Variants in CHST11 observed in about 807,000 individuals in gnomAD.
CHST11 encodes the protein carbohydrate sulfotransferase 11.
In CHST11, 9 loss-of-function variants were observed where a neutral mutation model predicts 30.4. The ratio of observed to expected loss-of-function variants is 0.30; its 90% CI spans 0.18 to 0.52. The LOEUF is 0.52. Among genes scored for constraint, CHST11 ranks in the 20% least tolerant of loss-of-function variants. The pLI is 0.97. For missense variants in CHST11, 348 were observed against 460.6 expected, an observed-to-expected ratio of 0.76 and a Z score of 2.24; for synonymous variants, 152 against 187.8, an observed-to-expected ratio of 0.81 and a Z score of 1.56.
intron 2 of CHST11, among the ~76,000 whole-genome samples, chr12:104,702,503 G>A: frequency 6.6e-6 from 1 of 151,934 alleles, no homozygotes; most frequent in Non-Finnish European, 1.5e-5. Context: ...GCACCCAGCT[G>A]ATTCCTCACG....
chr12:104,633,716 C>G (rs1484864814), intron 2 of CHST11, among the ~76,000 whole-genome samples: 5 of 151,914 alleles, frequency 3.3e-5, no homozygotes, highest in Admixed American at 3.3e-4. Context: ...CGTGCCCAGC[C>G]TCTCCCTCTT....
At chr12:104,710,854 T>G (rs554532326) in intron 2 of CHST11, among the ~76,000 whole-genome samples, 2 of 152,330 alleles carry the variant, frequency 1.3e-5, no homozygotes, top group East Asian at 3.9e-4. Context: ...CAAACTTCTC[T>G]ACAGCTTCTT....
chr12:104,549,062 G>A (rs978757869), intron 1 of CHST11, among the ~76,000 whole-genome samples: 1 of 152,196 alleles, frequency 6.6e-6, no homozygotes, highest in African/African-American at 2.4e-5. Flanking sequence ...TGATAAATGA[G>A]GTGGGGAGAT....
intron 2 of CHST11, among the ~76,000 whole-genome samples, chr12:104,617,743 A>G (rs193269388): frequency 1.3e-5 from 2 of 152,310 alleles, no homozygotes; most frequent in Admixed American, 6.5e-5. Context: ...ATTTGGTGTC[A>G]GTTTTCTAAT....
At chr12:104,595,701 A>T (rs2136043049) in intron 1 of CHST11, among the ~76,000 whole-genome samples, 1 of 152,288 alleles carries the variant, frequency 6.6e-6, no homozygotes, top group East Asian at 1.9e-4. Context: ...GCCATGGACC[A>T]GGCTAGTTGA....
rs183218256 is a variant in CHST11, at chr12:104,585,795, C to T, written c.119-16111C>T. On this transcript the variant is annotated intron_variant, in intron 1 of 2. Transcript: ENST00000303694. ...AGGTGTCAGCAGGGCCGTGTTCCCT[C>T]TGAAGGCCCTAGGGAAGAATCCCTC... 6.5e-4 allele frequency among the ~76,000 whole-genome samples: 99 copies of T among 152,342 alleles called. 1 individual carries two copies. Among genetic ancestry groups the T allele is most frequent in the Admixed American group, 2.4e-3 (36 of 15,308 alleles).
intron 1 of CHST11, among the ~76,000 whole-genome samples, chr12:104,554,227 C>G (rs1258382878): frequency 2.0e-5 from 3 of 152,042 alleles, no homozygotes; most frequent in Admixed American, 2.0e-4. Context: ...CTGTGAATAC[C>G]AGGATTTGGG....
At chr12:104,608,941 A>G (rs1006404957) in intron 2 of CHST11, among the ~76,000 whole-genome samples, 1 of 152,218 alleles carries the variant, frequency 6.6e-6, no homozygotes, top group South Asian at 2.1e-4. Context: ...CCCTTGAGCC[A>G]CTTCTGTCTT....
chr12:104,757,258 A>G lies in CHST11; in HGVS notation c.514A>G (p.Ile172Val). 2 of 1,614,008 alleles carry G rather than the reference A, an allele frequency of 1.2e-6. No individual in the cohort carries two copies. The highest frequency in any genetic ancestry group is 8.5e-7 in the Non-Finnish European group (1 of 1,179,998). ...CCTGAACCAGTACAGCATCCCAGAAATCAACCACCGCTTGAAAAGCTACAT... is the reference window on the plus strand; with the variant it reads ...CCTGAACCAGTACAGCATCCCAGAAGTCAACCACCGCTTGAAAAGCTACAT... ...KTLNQYSIPEINHRLKSYMKF... is the reference protein window; with the variant it reads ...KTLNQYSIPEVNHRLKSYMKF... Residue 172 changes from isoleucine (I) to valine (V), a missense_variant, in exon 3 of 3, where the codon ATC becomes GTC. This residue lies in a region of CHST11 where 210 missense variants were observed against 287.2 expected (regional missense o/e 0.73). Transcript: ENST00000303694. The surrounding 1 kb of genome is among the most constrained non-coding windows in gnomAD (Gnocchi z 6.5).
chr12:104,696,466 G>T (rs151086302), intron 2 of CHST11, among the ~76,000 whole-genome samples: 1,801 of 99,918 alleles, frequency 0.018, 37 homozygotes, highest in African/African-American at 0.063. Context: ...GTGAAACCCC[G>T]ACTCTGCTAA....
intron 1 of CHST11, among the ~76,000 whole-genome samples, chr12:104,474,880 G>T (rs555165599): frequency 6.6e-6 from 1 of 152,222 alleles, no homozygotes; most frequent in African/African-American, 2.4e-5. Flanking sequence ...AAGCATGGGG[G>T]AAGGTCCTTG....
chr12:104,550,223 T>C (rs766238135), intron 1 of CHST11, among the ~76,000 whole-genome samples: 5 of 152,218 alleles, frequency 3.3e-5, no homozygotes, highest in Non-Finnish European at 7.3e-5. Context: ...CTTTGTTGTC[T>C]GATAGTGTTT....
chr12:104,752,398 T>G (rs1268433541), intron 2 of CHST11, among the ~76,000 whole-genome samples: 1 of 152,200 alleles, frequency 6.6e-6, no homozygotes, highest in East Asian at 1.9e-4. Context: ...TCAAATCACA[T>G]TCTGAGGTTC....
chr12:104,546,329 A>G (rs1365074033), intron 1 of CHST11, among the ~76,000 whole-genome samples: 1 of 137,806 alleles, frequency 7.3e-6, no homozygotes, highest in Admixed American at 7.6e-5. Context: ...TTAGCCAAGC[A>G]TGGTGGTGCA....
At chr12:104,752,212 GC>G (rs1325539372) in intron 2 of CHST11, among the ~76,000 whole-genome samples, 2 of 152,064 alleles carry the variant, frequency 1.3e-5, no homozygotes, top group Admixed American at 1.3e-4. Flanking sequence ...GCATTTTTTG[GC>G]CTGGAGACAC....
intron 2 of CHST11, among the ~76,000 whole-genome samples, chr12:104,704,711 G>T (rs1440403518): frequency 6.6e-6 from 1 of 152,136 alleles, no homozygotes; most frequent in Non-Finnish European, 1.5e-5. Flanking sequence ...AAATCATGCT[G>T]CTGATAGCCC....
intron 2 of CHST11, among the ~76,000 whole-genome samples, chr12:104,727,818 T>A (rs1258558849): frequency 6.6e-6 from 1 of 152,080 alleles, no homozygotes; most frequent in African/African-American, 2.4e-5. Context: ...TATGGACTAG[T>A]GGGAGGATAA....
intron 2 of CHST11, among the ~76,000 whole-genome samples, chr12:104,694,796 T>G (rs2039929388): frequency 6.6e-6 from 1 of 152,206 alleles, no homozygotes; most frequent in Non-Finnish European, 1.5e-5. Flanking sequence ...CGTTGGAGTT[T>G]CCTGCCTTCT....
At chr12:104,469,421 G>A (rs1282686954) in intron 1 of CHST11, among the ~76,000 whole-genome samples, 1 of 152,142 alleles carries the variant, frequency 6.6e-6, no homozygotes, top group Non-Finnish European at 1.5e-5. Flanking sequence ...GTGACACTTG[G>A]GAAATAACAG....
Sources: allele counts gnomAD v4.1 joint callset (sites outside exome capture counted in the v4.1 genomes callset), GRCh38; gene constraint gnomAD v4.1.1; regional missense constraint gnomAD v4.1.1; non-coding constraint Gnocchi (gnomAD v3.1); transcripts MANE v1.5; gene names NCBI Gene and HGNC (gene_info 2026-07-23, HGNC 2026-07-21).